DISP1: variants seen among roughly 807,000 people sequenced by gnomAD.
The protein encoded by DISP1 is dispatched RND transporter family member 1.
Under a neutral mutation model 37.3 loss-of-function variants are expected in DISP1, and 30 were observed. The ratio of observed to expected loss-of-function variants is 0.80; its 90% CI spans 0.60 to 1.09. The LOEUF is 1.09. Among genes scored for constraint, DISP1 ranks in the 50% least tolerant of loss-of-function variants. DISP1 has a pLI of 0.00. For missense variants in DISP1, 1,598 were observed against 1,879.5 expected, an observed-to-expected ratio of 0.85 and a Z score of 2.77; for synonymous variants, 634 against 690.2, an observed-to-expected ratio of 0.92 and a Z score of 1.28.
At position 222,893,533 on chromosome 1, in the gene DISP1, G is replaced by T. The variant is rs1671058392; in HGVS notation, c.-158-34897G>T. 6.6e-6 allele frequency among the ~76,000 whole-genome samples: 1 copy of T among 152,250 alleles called. No individual in the cohort carries two copies. The highest frequency in any genetic ancestry group is 1.5e-5 in the Non-Finnish European group (1 of 68,032). On this transcript the variant is annotated intron_variant, in intron 1 of 8. Coordinates refer to ENST00000675850, the MANE Select transcript of DISP1 (RefSeq NM_001377229.1). The surrounding 1 kb of genome is among the most constrained non-coding windows in gnomAD (Gnocchi z 4.3). ...GTGTGAGGTCTGGCTGCTGTGCACA[G>T]ACAGCTAGGCACATCAGCTGCTGTG...
At chr1:222,915,380 G>T (rs1190347616) in intron 1 of DISP1, among the ~76,000 whole-genome samples, 1 of 152,198 alleles carries the variant, frequency 6.6e-6, no homozygotes, top group Non-Finnish European at 1.5e-5. Flanking sequence ...GGCAAAGGAA[G>T]GAATGAATGC....
chr1:222,858,310 C>T (rs1668664660), intron 1 of DISP1, among the ~76,000 whole-genome samples: 1 of 152,100 alleles, frequency 6.6e-6, no homozygotes, highest in Non-Finnish European at 1.5e-5. Context: ...CTTCCTTATA[C>T]CTTATACAAA....
Position 222,871,490 on chromosome 1 carries a change from T to C in DISP1, c.-159+56412T>C, listed in dbSNP as rs1056649054. On this transcript the variant is annotated intron_variant, in intron 1 of 8. Transcript: ENST00000675850. The stretch of plus-strand genomic sequence containing the variant: ...ATTGAGCAGTGGTTTGTAGTTCTCC[T>C]TGAAGAGGTCCTTCACATCTCTTGT... Among the ~76,000 whole-genome samples, 4 of 152,212 alleles carry C rather than the reference T, an allele frequency of 2.6e-5. No individual in the cohort carries two copies. The South Asian group carries it at 8.3e-4, about 32-fold the overall frequency.
intron 1 of DISP1, among the ~76,000 whole-genome samples, chr1:222,872,903 G>A (rs1323657774): frequency 6.6e-6 from 1 of 152,102 alleles, no homozygotes; most frequent in Non-Finnish European, 1.5e-5. Flanking sequence ...TTTCTCTTGT[G>A]GGCATTTAGT....
rs189065144 is a variant in DISP1, at chr1:222,833,578, C to T, written c.-159+18500C>T. 2.0e-4 allele frequency among the ~76,000 whole-genome samples: 30 copies of T among 152,304 alleles called. No homozygotes were observed. The East Asian group carries it at 5.8e-3, about 29-fold the overall frequency. On this transcript the variant is annotated intron_variant, in intron 1 of 8. Transcript: ENST00000675850. ...AGAAGGGCGTAGGAAAGGCTTGGTG[C>T]TGTGCCTTGTTCTTTAGATTTTACA...
chr1:222,913,431 A>T (rs1672316580), intron 1 of DISP1, among the ~76,000 whole-genome samples: 1 of 152,186 alleles, frequency 6.6e-6, no homozygotes. Context: ...TTGCAAAAGA[A>T]GTTGAATCAT....
chr1:222,930,252 A>G (rs554722397), intron 2 of DISP1, among the ~76,000 whole-genome samples: 2 of 152,220 alleles, frequency 1.3e-5, no homozygotes, highest in Non-Finnish European at 2.9e-5. Flanking sequence ...TGATTCTTAT[A>G]ACTCAGTGTG....
At chr1:222,884,064 C>T (rs1670435551) in intron 1 of DISP1, among the ~76,000 whole-genome samples, 1 of 152,148 alleles carries the variant, frequency 6.6e-6, no homozygotes, top group Non-Finnish European at 1.5e-5. Context: ...TGTTATTCTC[C>T]TCTTTAACCA....
At chr1:222,989,294 T>G in intron 4 of DISP1, 138 of 854,490 alleles carry the variant, frequency 1.6e-4, no homozygotes, top group Non-Finnish European at 1.8e-4. Flanking sequence ...CTAACATTAC[T>G]GAGAATTTGA....
At chr1:222,837,391 GT>G (rs551352875) in intron 1 of DISP1, 15 of 243,752 alleles carry the variant, frequency 6.2e-5, no homozygotes, top group Non-Finnish European at 9.3e-5. Flanking sequence ...TTAAGCCCTT[GT>G]TTTTTTTGGT....
chr1:222,943,416 A>G, intron 3 of DISP1, 84 bp downstream of exon 3: 4 of 1,585,450 alleles, frequency 2.5e-6, no homozygotes, highest in Non-Finnish European at 3.5e-6. Flanking sequence ...CTGAAAGGAG[A>G]GGAGAAAAAT....
At position 223,005,619 on chromosome 1, in the gene DISP1, G is replaced by A. The variant is rs375930920; in HGVS notation, c.4222G>A (p.Asp1408Asn). The change falls in exon 9 of 9, where the codon GAC becomes AAC. Residue 1408 changes from aspartate to asparagine, a missense_variant. By Grantham distance (23) the Asp-to-Asn change is conservative (BLOSUM62 1). Coordinates refer to ENST00000675850, the MANE Select transcript of DISP1 (RefSeq NM_001377229.1). ...TGGATCGTTACTCAAAACGTGTTGC[G>A]ACCCCGAGAATAAACAAAGGGAACT... ...STGSLLKTCC[D>N]PENKQRELCK... 51 of 1,611,566 alleles carry A rather than the reference G, an allele frequency of 3.2e-5. No individual in the cohort carries two copies. Among genetic ancestry groups the A allele is most frequent in the Middle Eastern group, 1.6e-4 (1 of 6,076 alleles).
At chr1:222,944,878 G>A (rs1674652587) in intron 3 of DISP1, among the ~76,000 whole-genome samples, 1 of 152,204 alleles carries the variant, frequency 6.6e-6, no homozygotes, top group Admixed American at 6.5e-5. Context: ...TCTGATTAAA[G>A]AGTCAGGGCT....
At chr1:222,992,154 G>T (rs375229271) in intron 7 of DISP1, 44 bp downstream of exon 7, 4 of 1,454,944 alleles carry the variant, frequency 2.7e-6, no homozygotes, top group East Asian at 2.3e-5. Context: ...CAGTTTGCTC[G>T]CATTTAAAAT....
At chr1:222,831,207 C>T (rs903463044) in intron 1 of DISP1, among the ~76,000 whole-genome samples, 4 of 152,092 alleles carry the variant, frequency 2.6e-5, no homozygotes, top group South Asian at 2.1e-4. Context: ...GTTCTGTCAA[C>T]GTTGAGAATT....
chr1:222,916,748 T>A (rs1368599885), intron 1 of DISP1, among the ~76,000 whole-genome samples: 1 of 152,210 alleles, frequency 6.6e-6, no homozygotes, highest in Non-Finnish European at 1.5e-5. Flanking sequence ...TTTCTTATAC[T>A]CTTAAATTCT....
chr1:222,943,165 G>T lies in DISP1; in HGVS notation c.342G>T (p.Ser114=). Residue 114 remains serine, a synonymous_variant, in exon 3 of 9, where the codon TCG becomes TCT. Coordinates refer to ENST00000675850, the MANE Select transcript of DISP1 (RefSeq NM_001377229.1). ...AGPAAPSALA[S]CCMQPHSEYS... ...CTGCAGCACCCTCTGCTTTGGCCTC[G>T]TGTTGCATGCAGCCACACTCCGAGT... 1 of 1,611,642 alleles carries T rather than the reference G, an allele frequency of 6.2e-7. No individual in the cohort carries two copies. The highest frequency in any genetic ancestry group is 8.5e-7 in the Non-Finnish European group (1 of 1,177,886).
chr1:222,863,210 A>G (rs182217792), intron 1 of DISP1, among the ~76,000 whole-genome samples: 2 of 151,956 alleles, frequency 1.3e-5, no homozygotes, highest in Admixed American at 1.3e-4. Flanking sequence ...AAGTTGCCGT[A>G]TTTTCCTTGG....
chr1:222,888,138 G>C (rs1051716105), intron 1 of DISP1, among the ~76,000 whole-genome samples: 5 of 152,142 alleles, frequency 3.3e-5, no homozygotes, highest in Non-Finnish European at 5.9e-5. Flanking sequence ...TCTAGGAGAT[G>C]GTTTAGCTTT....
Sources: gnomAD v4.1 joint callset for allele counts (sites outside exome capture counted in the v4.1 genomes callset) on GRCh38, gnomAD v4.1.1 for gene constraint, Gnocchi (gnomAD v3.1) non-coding constraint, MANE v1.5 for transcripts, NCBI Gene and HGNC (gene_info 2026-07-23, HGNC 2026-07-21) for gene names.